Variants in SLC9A9 observed in about 807,000 individuals in gnomAD.
SLC9A9 encodes the protein sodium/hydrogen exchanger 9.
In SLC9A9, 62 loss-of-function variants were observed where a neutral mutation model predicts 77.8. The ratio of observed to expected loss-of-function variants is 0.80; its 90% CI spans 0.65 to 0.98. The LOEUF is 0.98. Among genes scored for constraint, SLC9A9 ranks in the 50% least tolerant of loss-of-function variants. The pLI is 0.00. For missense variants in SLC9A9, 775 were observed against 774.9 expected, an observed-to-expected ratio of 1.00 and a Z score of 0.00; for synonymous variants, 320 against 283.5, an observed-to-expected ratio of 1.13 and a Z score of -1.29.
intron 4 of SLC9A9, among the ~76,000 whole-genome samples, chr3:143,770,660 C>A (rs1053453008): frequency 2.0e-5 from 3 of 152,036 alleles, no homozygotes. Context: ...CTGGGAGAAG[C>A]CTTTCTGAGA....
rs1247896957 is a variant in SLC9A9, at chr3:143,672,071, A to G, written c.650-19711T>C. On this transcript the variant is annotated intron_variant, in intron 5 of 15. Coordinates refer to ENST00000316549, the MANE Select transcript of SLC9A9 (RefSeq NM_173653.4). ...ATGAGAGCATTTTTTGCTGTTTATA[A>G]TATGGCATAAAACCATCTTGATCTC... Among the ~76,000 whole-genome samples, 3 of 152,202 alleles carry G rather than the reference A, an allele frequency of 2.0e-5. No homozygotes were observed. In the South Asian group the frequency reaches 6.2e-4, roughly 31 times the overall value.
At chr3:143,616,110 C>T (rs574707937) in intron 6 of SLC9A9, among the ~76,000 whole-genome samples, 1 of 152,202 alleles carries the variant, frequency 6.6e-6, no homozygotes, top group South Asian at 2.1e-4. Flanking sequence ...GTCTCGACCT[C>T]CTGACCTTGT....
chr3:143,322,090 A>T (rs1055488808), intron 14 of SLC9A9, among the ~76,000 whole-genome samples: 3 of 152,134 alleles, frequency 2.0e-5, no homozygotes, highest in Admixed American at 2.0e-4. Flanking sequence ...GGTTGCTCTC[A>T]TCTCTTTTTT....
intron 14 of SLC9A9, among the ~76,000 whole-genome samples, chr3:143,273,180 G>A (rs1187120301): frequency 2.0e-5 from 3 of 152,170 alleles, no homozygotes; most frequent in Non-Finnish European, 4.4e-5. Flanking sequence ...ATAGGTCAGT[G>A]AGAAGCAAAA....
intron 5 of SLC9A9, among the ~76,000 whole-genome samples, chr3:143,652,627 C>G (rs991985930): frequency 6.6e-6 from 1 of 152,172 alleles, no homozygotes; most frequent in Non-Finnish European, 1.5e-5. Flanking sequence ...CTCCCTCTGC[C>G]CCCTTTGCTG....
At chr3:143,504,264 C>T in intron 9 of SLC9A9, 1 of 237,540 alleles carries the variant, frequency 4.2e-6, no homozygotes, top group South Asian at 6.0e-5. Flanking sequence ...CCGGCCTTCA[C>T]CTTCACCATG....
At chr3:143,367,729 G>T (rs2032949571) in intron 13 of SLC9A9, among the ~76,000 whole-genome samples, 1 of 152,178 alleles carries the variant, frequency 6.6e-6, no homozygotes, top group Admixed American at 6.5e-5. Flanking sequence ...TTCTTCTGAA[G>T]CAGAGATCAG....
At chr3:143,646,295 T>C (rs983442261) in intron 6 of SLC9A9, among the ~76,000 whole-genome samples, 2 of 148,226 alleles carry the variant, frequency 1.3e-5, no homozygotes, top group African/African-American at 4.9e-5. Flanking sequence ...TAATAAAATA[T>C]ATAAAATTTA....
intron 12 of SLC9A9, among the ~76,000 whole-genome samples, chr3:143,426,946 C>A (rs184209207): frequency 3.3e-5 from 5 of 152,270 alleles, no homozygotes; most frequent in Non-Finnish European, 7.4e-5. Context: ...AGCTGGGATT[C>A]AAACACGGGC....
At chr3:143,572,679 G>C (rs551103581) in intron 8 of SLC9A9, among the ~76,000 whole-genome samples, 1 of 152,326 alleles carries the variant, frequency 6.6e-6, no homozygotes, top group South Asian at 2.1e-4. Context: ...GTGGAATCCA[G>C]TAATGTAGTC....
intron 5 of SLC9A9, among the ~76,000 whole-genome samples, chr3:143,679,055 G>A (rs764168894): frequency 4.6e-5 from 7 of 151,808 alleles, no homozygotes; most frequent in Admixed American, 2.0e-4. Flanking sequence ...AAAGAGGTGA[G>A]GGGGGTGGGA....
chr3:143,818,131 G>A (rs921536347), intron 2 of SLC9A9, among the ~76,000 whole-genome samples: 4 of 152,000 alleles, frequency 2.6e-5, no homozygotes, highest in Non-Finnish European at 4.4e-5. Context: ...ATACTTTCTT[G>A]TCACTCTAAA....
intron 2 of SLC9A9, among the ~76,000 whole-genome samples, chr3:143,801,768 G>A (rs527318003): frequency 3.3e-5 from 5 of 152,064 alleles, no homozygotes; most frequent in Admixed American, 1.3e-4. Flanking sequence ...TCAACAAGCC[G>A]AACTCATTGC....
rs761080781 is a variant in SLC9A9 at position 143,495,423 on chromosome 3, G to A, written c.1115C>T (p.Ala372Val). 34 of 1,613,694 alleles carry A rather than the reference G, an allele frequency of 2.1e-5. 1 individual carries two copies. Among genetic ancestry groups the A allele is most frequent in the Admixed American group, 5.0e-5 (3 of 59,984 alleles). The change falls in exon 10 of 16, where the codon GCG (alanine) becomes GTG (valine). Residue 372 changes from alanine to valine, a missense_variant. By Grantham distance (64) the Ala-to-Val change is moderately conservative. Transcript: ENST00000316549. ...CATGTAACAGAAGATGACGTTCTCCGCCAAAAAGTTCATAAATTCAAACAA... is the reference window on the plus strand; with the variant it reads ...CATGTAACAGAAGATGACGTTCTCCACCAAAAAGTTCATAAATTCAAACAA... Reference protein sequence around the residue: ...KQLFEFMNFLAENVIFCYMGL... With the variant: ...KQLFEFMNFLVENVIFCYMGL...
At chr3:143,643,903 T>C (rs913776092) in intron 6 of SLC9A9, among the ~76,000 whole-genome samples, 3 of 149,162 alleles carry the variant, frequency 2.0e-5, no homozygotes, top group Non-Finnish European at 4.5e-5. Context: ...GATCTTCTGA[T>C]ACAAGCAGAG....
At chr3:143,788,689 A>T (rs1440419370) in intron 4 of SLC9A9, among the ~76,000 whole-genome samples, 1 of 848 alleles carries the variant, frequency 1.2e-3, no homozygotes, top group Non-Finnish European at 4.4e-3. Context: ...AGACTCCATC[A>T]AAAAAAAAAA....
At chr3:143,456,889 A>G (rs933883051) in intron 12 of SLC9A9, among the ~76,000 whole-genome samples, 2 of 152,168 alleles carry the variant, frequency 1.3e-5, no homozygotes, top group Non-Finnish European at 2.9e-5. Context: ...TAGATACAGG[A>G]TGATTCAGTT....
intron 14 of SLC9A9, among the ~76,000 whole-genome samples, chr3:143,352,951 T>C (rs1237913128): frequency 2.0e-5 from 3 of 152,214 alleles, no homozygotes; most frequent in Admixed American, 6.5e-5. Context: ...ATTGGTTTCC[T>C]GCTGTCAATA....
At chr3:143,829,428 C>T (rs1429792858) in intron 2 of SLC9A9, among the ~76,000 whole-genome samples, 1 of 152,116 alleles carries the variant, frequency 6.6e-6, no homozygotes, top group Non-Finnish European at 1.5e-5. Context: ...GTCCACCCTG[C>T]CCTGATGGCC....
Sources: allele counts gnomAD v4.1 joint callset (sites outside exome capture counted in the v4.1 genomes callset), GRCh38; gene constraint gnomAD v4.1.1; transcripts MANE v1.5; gene names NCBI Gene and HGNC (gene_info 2026-07-23, HGNC 2026-07-21).